Variants in FRYL observed in about 807,000 individuals in gnomAD.
FRYL encodes protein furry homolog-like.
FRYL carries 150 observed loss-of-function variants against 351.2 expected under a neutral mutation model. That is an observed-to-expected ratio of 0.43 (90% CI 0.37 to 0.49). FRYL has a LOEUF of 0.49. Among genes scored for constraint, FRYL ranks in the 20% least tolerant of loss-of-function variants. The pLI is 0.00. For missense variants in FRYL, 3,036 were observed against 3,619.3 expected (o/e 0.84, Z 4.13); for synonymous variants, 1,153 against 1,257.1 (o/e 0.92, Z 1.75).
rs1728762488 is a variant in FRYL at position 48,535,839 on chromosome 4, A to T, written c.6394-12T>A. On this transcript the variant is annotated splice_polypyrimidine_tract_variant and intron_variant, in intron 47 of 63. Coordinates refer to ENST00000358350, the MANE Select transcript of FRYL (RefSeq NM_015030.2). ...TCTTCTGCACAAACCTAGAAAACAA[A>T]TAAAATTATTTCATTCACCTAAAAT... The T allele has an allele frequency of 8.1e-6, 12 of 1,490,530 alleles. No homozygotes were observed. The East Asian group carries it at 2.9e-4, about 36-fold the overall frequency. 92.3% of individuals were successfully genotyped at this position (1,490,530 alleles called of 1,614,324 possible).
chr4:48,631,061 C>A (rs1272830035), intron 4 of FRYL, among the ~76,000 whole-genome samples: 2 of 152,120 alleles, frequency 1.3e-5, no homozygotes, highest in Non-Finnish European at 2.9e-5. Context: ...ATTATCTAAT[C>A]TTGAAGCTAT....
chr4:48,665,001 G>C lies in FRYL; in HGVS notation c.-81+19672C>G, dbSNP rs141227453. Among the ~76,000 whole-genome samples the C allele has an allele frequency of 5.3e-5, 8 of 152,138 alleles. No individual in the cohort carries two copies. The East Asian group carries it at 9.6e-4, about 18-fold the overall frequency. ...TAGCTATAAGTGGGTTTCTAAAAAA[G>C]GTAAGTTTTATACAAATGTTACAGA... is the stretch of plus-strand genomic sequence containing the variant. On this transcript the variant is annotated intron_variant, in intron 3 of 63. Transcript: ENST00000358350.
intron 3 of FRYL, among the ~76,000 whole-genome samples, chr4:48,648,457 T>A (rs141970627): frequency 4.1e-4 from 63 of 152,252 alleles, no homozygotes; most frequent in African/African-American, 1.4e-3. Context: ...TCTCCCAAAC[T>A]GTTAACTATT....
chr4:48,517,249 C>T (rs1723836151), intron 55 of FRYL, among the ~76,000 whole-genome samples: 2 of 152,154 alleles, frequency 1.3e-5, no homozygotes, highest in African/African-American at 4.8e-5. Context: ...ATGAATTTTT[C>T]CTTCTACATC....
In FRYL at chr4:48,540,768, C is replaced by A; in HGVS notation, c.5880G>T (p.Leu1960=). 1 of 1,613,942 alleles carries A rather than the reference C, an allele frequency of 6.2e-7. No individual in the cohort carries two copies. Among genetic ancestry groups the A allele is most frequent in the Non-Finnish European group, 8.5e-7 (1 of 1,179,920 alleles). Residue 1960 remains leucine, a synonymous_variant, in exon 46 of 64, where the codon CTG becomes CTT. Transcript: ENST00000358350. ...RRGDRRRSNT[L]DIMDGRINHS... ...GGTTTATCCGTCCATCCATTATATC[C>A]AGTGTGTTACTCCGCCGCCGGTCAC...
chr4:48,658,107 G>A (rs1326713051), intron 3 of FRYL, among the ~76,000 whole-genome samples: 2 of 152,210 alleles, frequency 1.3e-5, no homozygotes, highest in East Asian at 1.9e-4. Context: ...TTTAGATATG[G>A]ATCTGAATAA....
rs746729639 is a variant in FRYL at position 48,557,629 on chromosome 4, C to G, written c.3949G>C (p.Glu1317Gln). 2 of 1,614,100 alleles carry G rather than the reference C, an allele frequency of 1.2e-6. No homozygotes were observed. The highest frequency in any genetic ancestry group is 1.7e-6 in the Non-Finnish European group (2 of 1,180,024). ...HYLLPWMNNIELVDLKPLPTA... is the reference protein window; with the variant it reads ...HYLLPWMNNIQLVDLKPLPTA... ...GGGAGAGGTTTTAAGTCCACCAGCT[C>G]GATGTTGTTCATCCATGGTAGCAGG... is the stretch of plus-strand genomic sequence containing the variant. Residue 1317 changes from glutamate to glutamine, a missense_variant, in exon 34 of 64, where the codon GAG (glutamate) becomes CAG (glutamine). This residue lies in a region of FRYL where 1,987 missense variants were observed against 2,311.7 expected (regional missense o/e 0.86). Coordinates refer to ENST00000358350, the MANE Select transcript of FRYL (RefSeq NM_015030.2).
At chr4:48,516,597 A>G (rs547047145) in intron 55 of FRYL, among the ~76,000 whole-genome samples, 1 of 152,344 alleles carries the variant, frequency 6.6e-6, no homozygotes, top group South Asian at 2.1e-4. Flanking sequence ...TAAGAAAAGT[A>G]AGAGAAAGTC....
At chr4:48,545,058 A>C (rs1345619598) in intron 42 of FRYL, among the ~76,000 whole-genome samples, 154 bp from the exon 43 acceptor site, 1 of 152,246 alleles carries the variant, frequency 6.6e-6, no homozygotes, top group Non-Finnish European at 1.5e-5. Context: ...TGAATATGTA[A>C]TGATCTACAG....
At chr4:48,755,390 A>G (rs1006241942) in intron 1 of FRYL, among the ~76,000 whole-genome samples, 1 of 152,176 alleles carries the variant, frequency 6.6e-6, no homozygotes, top group Non-Finnish European at 1.5e-5. Context: ...TAGACAGTGA[A>G]TTTCCACATG....
intron 48 of FRYL, among the ~76,000 whole-genome samples, chr4:48,535,037 T>C (rs1257942211): frequency 6.6e-6 from 1 of 152,182 alleles, no homozygotes; most frequent in East Asian, 1.9e-4. Flanking sequence ...TTTACTTTTC[T>C]GGGTATAAAG....
chr4:48,513,332 T>TTC (rs1287298078), intron 56 of FRYL, among the ~76,000 whole-genome samples: 1 of 152,188 alleles, frequency 6.6e-6, no homozygotes, highest in Non-Finnish European at 1.5e-5. Context: ...AAGCATATAC[T>TTC]ATGTTCCTAG....
At chr4:48,719,491 A>G (rs1179836194) in intron 1 of FRYL, among the ~76,000 whole-genome samples, 1 of 151,790 alleles carries the variant, frequency 6.6e-6, no homozygotes, top group Non-Finnish European at 1.5e-5. Flanking sequence ...AGTATTGTTA[A>G]GCATAAACTT....
At chr4:48,535,859 T>C in intron 47 of FRYL, 32 bp from the exon 48 acceptor site, 1 of 1,419,296 alleles carries the variant, frequency 7.0e-7, no homozygotes, top group Non-Finnish European at 9.4e-7. Context: ...TTCATTCACC[T>C]AAAATAAAGA....
chr4:48,632,094 A>ATATATATATATATATATATG (rs1553957539), intron 4 of FRYL, among the ~76,000 whole-genome samples: 428 of 13,620 alleles, frequency 0.031, 10 homozygotes, highest in Non-Finnish European at 0.069. Context: ...AAAAAAAAAT[A>ATATATATATATATATATATG]TATATATATA....
intron 1 of FRYL, among the ~76,000 whole-genome samples, chr4:48,731,591 G>C (rs1032694911): frequency 1.3e-5 from 2 of 152,110 alleles, no homozygotes; most frequent in African/African-American, 2.4e-5. Context: ...CAGAGATATA[G>C]ACCAATGGAA....
At chr4:48,744,153 G>A (rs1429313324) in intron 1 of FRYL, among the ~76,000 whole-genome samples, 1 of 152,136 alleles carries the variant, frequency 6.6e-6, no homozygotes, top group Non-Finnish European at 1.5e-5. Flanking sequence ...TAGTAGGGGA[G>A]GGGGGTGATT....
intron 1 of FRYL, among the ~76,000 whole-genome samples, chr4:48,711,880 A>T (rs544481266): frequency 1.3e-5 from 2 of 152,304 alleles, no homozygotes; most frequent in East Asian, 3.9e-4. Context: ...CTTCCAGAGG[A>T]ACGATCAGAC....
At chr4:48,548,360 C>G (rs1179682246) in intron 40 of FRYL, among the ~76,000 whole-genome samples, 2 of 152,174 alleles carry the variant, frequency 1.3e-5, no homozygotes, top group Non-Finnish European at 2.9e-5. Flanking sequence ...TTCATTCACT[C>G]TGAAAGTTTC....
Sources: gnomAD v4.1 joint callset for allele counts (sites outside exome capture counted in the v4.1 genomes callset) on GRCh38, gnomAD v4.1.1 for gene constraint, gnomAD v4.1.1 regional missense constraint, MANE v1.5 for transcripts, NCBI Gene and HGNC (gene_info 2026-07-23, HGNC 2026-07-21) for gene names.